MLLT3: variants seen among roughly 807,000 people sequenced by gnomAD.
MLLT3 encodes protein AF-9.
In MLLT3, 4 loss-of-function variants were observed where a neutral mutation model predicts 53.2. The ratio of observed to expected loss-of-function variants is 0.08; its 90% CI spans 0.04 to 0.17. MLLT3 has a LOEUF of 0.17. Among genes scored for constraint, MLLT3 ranks in the 10% least tolerant of loss-of-function variants. The pLI is 1.00. For missense variants in MLLT3, 569 were observed against 684.0 expected (o/e 0.83, Z 1.87); for synonymous variants, 283 against 230.6 (o/e 1.23, Z -2.06).
chr9:20,593,720 G>A (rs1356484481), intron 2 of MLLT3, among the ~76,000 whole-genome samples: 1 of 152,112 alleles, frequency 6.6e-6, no homozygotes, highest in African/African-American at 2.4e-5. Flanking sequence ...AATAGGGATG[G>A]GTAATGTAAA....
At chr9:20,424,117 T>C (rs1458741908) in intron 4 of MLLT3, among the ~76,000 whole-genome samples, 1 of 152,108 alleles carries the variant, frequency 6.6e-6, no homozygotes, top group Non-Finnish European at 1.5e-5. Context: ...GTACAAGGGA[T>C]TTGAGGATTC....
intron 5 of MLLT3, among the ~76,000 whole-genome samples, chr9:20,401,323 G>T (rs982892454): frequency 2.0e-5 from 3 of 152,156 alleles, no homozygotes; most frequent in African/African-American, 4.8e-5. Flanking sequence ...AATAAAAATA[G>T]ATGGAATATA....
At chr9:20,593,987 C>A (rs1332009918) in intron 2 of MLLT3, among the ~76,000 whole-genome samples, 1 of 149,150 alleles carries the variant, frequency 6.7e-6, no homozygotes, top group East Asian at 2.0e-4. Context: ...GTTGCCCAGG[C>A]TGGAGTGCAG....
At chr9:20,427,680 T>C (rs1195329613) in intron 4 of MLLT3, among the ~76,000 whole-genome samples, 1 of 151,580 alleles carries the variant, frequency 6.6e-6, no homozygotes, top group East Asian at 1.9e-4. Context: ...ACAAAAAAAC[T>C]ATAAAGACAG....
At chr9:20,573,780 T>A (rs976804695) in intron 2 of MLLT3, among the ~76,000 whole-genome samples, 1 of 152,220 alleles carries the variant, frequency 6.6e-6, no homozygotes, top group Admixed American at 6.5e-5. Context: ...AACTAATTAT[T>A]GAGCTGTTCT....
intron 5 of MLLT3, among the ~76,000 whole-genome samples, chr9:20,413,198 T>C (rs1239362009): frequency 3.3e-5 from 5 of 152,340 alleles, no homozygotes; most frequent in Admixed American, 2.6e-4. Context: ...ATTTTACATA[T>C]GTGTAGTATA....
At chr9:20,430,729 A>G (rs1410868185) in intron 4 of MLLT3, among the ~76,000 whole-genome samples, 1 of 152,122 alleles carries the variant, frequency 6.6e-6, no homozygotes, top group Admixed American at 6.5e-5. Flanking sequence ...ATTAAAAAGA[A>G]CTAACTATTT....
intron 2 of MLLT3, among the ~76,000 whole-genome samples, chr9:20,473,115 C>T (rs1437725076): frequency 2.0e-5 from 3 of 152,040 alleles, no homozygotes; most frequent in Admixed American, 6.6e-5. Context: ...CAGGAGATTC[C>T]GATGCTTGCT....
chr9:20,375,601 TTTTCTTTTC>T lies in MLLT3; in HGVS notation c.1126-9866_1126-9858del, dbSNP rs1275651426. Among the ~76,000 whole-genome samples, 135 of 110,438 alleles carry T rather than the reference TTTTCTTTTC, an allele frequency of 1.2e-3. 4 individuals are homozygous for T. Among genetic ancestry groups the T allele is most frequent in the African/African-American group, 0.012 (131 of 10,812 alleles). The allele number at this position is 110,438 out of a possible 152,430, so 72.5% of individuals were successfully genotyped here. ...CTTGTTATTTCAGTAATTTTTTTTT[TTTTCTTTTC>T]TTTTTTTTTTTTTTTGAGACAGAGT... On this transcript the variant is annotated intron_variant, in intron 5 of 10. Transcript: ENST00000380338.
intron 3 of MLLT3, among the ~76,000 whole-genome samples, chr9:20,453,827 G>T (rs933757311): frequency 3.3e-5 from 5 of 152,002 alleles, no homozygotes; most frequent in Non-Finnish European, 5.9e-5. Flanking sequence ...GAATTCTATG[G>T]ATTACATAAT....
At chr9:20,377,436 T>C (rs1821795834) in intron 5 of MLLT3, among the ~76,000 whole-genome samples, 1 of 152,104 alleles carries the variant, frequency 6.6e-6, no homozygotes, top group Non-Finnish European at 1.5e-5. Context: ...TATTAAAGTA[T>C]ATTTGGGATT....
chr9:20,363,807 C>T (rs1821384260), intron 6 of MLLT3, among the ~76,000 whole-genome samples: 1 of 151,908 alleles, frequency 6.6e-6, no homozygotes, highest in Admixed American at 6.6e-5. Context: ...TAATGGATTC[C>T]CAAAATATTT....
rs74493284 is a variant in MLLT3 at position 20,570,311 on chromosome 9, G to A, written c.193+50343C>T. Reference sequence around the variant, plus strand: ...AGTCATAGAATCTTAATTTTCTTCCGTCAGCATTACTAGCATGGTAGTAAT... The same window carrying A: ...AGTCATAGAATCTTAATTTTCTTCCATCAGCATTACTAGCATGGTAGTAAT... On this transcript the variant is annotated intron_variant, in intron 2 of 10. Coordinates refer to ENST00000380338, the MANE Select transcript of MLLT3 (RefSeq NM_004529.4). Among the ~76,000 whole-genome samples, 1,527 of 152,194 alleles carry A rather than the reference G, an allele frequency of 0.01. 52 individuals carry two copies. The East Asian group carries it at 0.12, about 12-fold the overall frequency.
chr9:20,613,699 T>C (rs970850669), intron 2 of MLLT3, among the ~76,000 whole-genome samples: 2 of 152,038 alleles, frequency 1.3e-5, no homozygotes, highest in Admixed American at 6.6e-5. Context: ...GCACTGCTAA[T>C]CATATAAATG....
intron 5 of MLLT3, chr9:20,411,265 G>A (rs991949463): frequency 1.8e-4 from 27 of 153,310 alleles, no homozygotes; most frequent in African/African-American, 6.0e-4. Context: ...AGGGATGCCA[G>A]GTAGGACAGG....
chr9:20,522,684 T>C (rs886987776), intron 2 of MLLT3, among the ~76,000 whole-genome samples: 10 of 152,132 alleles, frequency 6.6e-5, no homozygotes, highest in African/African-American at 1.9e-4. Flanking sequence ...AGTTGTTTTT[T>C]TTCTAAATTG....
intron 2 of MLLT3, among the ~76,000 whole-genome samples, chr9:20,570,774 A>G (rs1267165338): frequency 2.1e-5 from 3 of 144,688 alleles, no homozygotes; most frequent in East Asian, 1.9e-4. Flanking sequence ...AAGCAACCCA[A>G]TAAAATAAGA....
At chr9:20,482,305 A>G (rs1218935904) in intron 2 of MLLT3, among the ~76,000 whole-genome samples, 1 of 152,158 alleles carries the variant, frequency 6.6e-6, no homozygotes, top group East Asian at 1.9e-4. Context: ...CTTACAACAA[A>G]ATGTAACCTG....
chr9:20,413,492 T>C (rs1586930601), intron 5 of MLLT3, among the ~76,000 whole-genome samples: 1 of 152,346 alleles, frequency 6.6e-6, no homozygotes, highest in Non-Finnish European at 1.5e-5. Context: ...GCTATGGAAA[T>C]ATCTTTCCTT....
Sources: allele counts gnomAD v4.1 joint callset (sites outside exome capture counted in the v4.1 genomes callset), GRCh38; gene constraint gnomAD v4.1.1; transcripts MANE v1.5; gene names NCBI Gene and HGNC (gene_info 2026-07-23, HGNC 2026-07-21).